CUL4B: variants seen among roughly 807,000 people sequenced by gnomAD.
CUL4B encodes cullin 4B, also known as cullin-4B.
A neutral mutation model predicts 69.2 loss-of-function variants in CUL4B; 1 was observed. The observed-to-expected ratio is 0.01, with a 90% CI of 0.01 to 0.07. CUL4B has a LOEUF of 0.07. Ranked by LOEUF, CUL4B falls within the 10% of genes least tolerant of loss-of-function variation. The pLI is 1.00. For synonymous variants in CUL4B, 237 were observed against 223.2 expected (o/e 1.06, Z -0.55); for missense variants, 328 against 638.8 (o/e 0.51, Z 5.24).
upstream of CUL4B, among the ~76,000 whole-genome samples, chrX:120,564,177 C>T (rs1477769677): frequency 2.7e-5 from 3 of 111,746 alleles, 1 homozygote; most frequent in African/African-American, 9.8e-5. Flanking sequence ...GTGGTGTTCA[C>T]CTGTAATCCC....
chrX:120,542,886 G>A, intron 9 of CUL4B, 80 bp downstream of exon 9: 1 of 712,704 alleles, frequency 1.4e-6, no homozygotes, highest in Non-Finnish European at 2.2e-6. Flanking sequence ...ACTTTTAAAA[G>A]GGCAACATCT....
upstream of CUL4B, among the ~76,000 whole-genome samples, chrX:120,565,376 CCAAAA>C (rs1047388852): frequency 7.3e-5 from 8 of 109,105 alleles, no homozygotes; most frequent in Middle Eastern, 4.7e-3. Context: ...AAAGCAAAAA[CCAAAA>C]CAAAACAAAA....
chrX:120,533,428 T>G (rs764685909), intron 17 of CUL4B, among the ~76,000 whole-genome samples: 25 of 112,154 alleles, frequency 2.2e-4, no homozygotes, highest in Non-Finnish European at 2.1e-4. Flanking sequence ...CCTACTCATC[T>G]TACCTAATTT....
chrX:120,537,688 A>C (rs1252924396), intron 14 of CUL4B, among the ~76,000 whole-genome samples: 1 of 111,767 alleles, frequency 8.9e-6, no homozygotes, highest in Non-Finnish European at 1.9e-5. Context: ...ATGATCTTAA[A>C]CATTTCAAAA....
rs1472495691 is a variant in CUL4B at position 120,525,540 on chromosome X, C to G, written c.*1221G>C. On this transcript the variant is annotated 3_prime_UTR_variant, in exon 20 of 20. Coordinates refer to ENST00000371322, the MANE Select transcript of CUL4B (RefSeq NM_001079872.2). ...TATATAAACAATCTTGGGACATTCTCCTGAAAACTAGGTGTCCAGTGGCTA... is the reference window on the plus strand; with the variant it reads ...TATATAAACAATCTTGGGACATTCTGCTGAAAACTAGGTGTCCAGTGGCTA... 9.0e-6 allele frequency: 1 copy of G among 111,585 alleles called. No homozygotes were observed. The highest frequency in any genetic ancestry group is 1.9e-5 in the Non-Finnish European group (1 of 53,113). 9.2% of individuals were successfully genotyped at this position (111,585 alleles called of 1,213,427 possible).
At chrX:120,558,688 T>C (rs1216238147) in intron 1 of CUL4B, among the ~76,000 whole-genome samples, 1 of 112,254 alleles carries the variant, frequency 8.9e-6, no homozygotes, top group Admixed American at 9.5e-5. Flanking sequence ...AGAAACCATG[T>C]TGCATTTTCA....
chrX:120,550,930 T>C (rs985369443), intron 2 of CUL4B, among the ~76,000 whole-genome samples: 1 of 111,756 alleles, frequency 8.9e-6, no homozygotes, highest in Non-Finnish European at 1.9e-5. Flanking sequence ...GTTTTACGTA[T>C]ATAAAACATC....
At chrX:120,541,461 C>T (rs903124138) in intron 10 of CUL4B, 141 bp downstream of exon 10, 27 of 502,528 alleles carry the variant, frequency 5.4e-5, no homozygotes, top group East Asian at 2.2e-4. Context: ...ATCGTGCCAC[C>T]GCACTCCAGC....
At chrX:120,566,345 GTATATATATATATATATA>G (rs537274243), upstream of CUL4B, among the ~76,000 whole-genome samples, 29 of 40,964 alleles carry the variant, frequency 7.1e-4, no homozygotes, top group East Asian at 9.5e-3. Flanking sequence ...GTGTGTATAG[GTATATATATATATATATA>G]TATATATATA....
intron 17 of CUL4B, among the ~76,000 whole-genome samples, chrX:120,534,191 G>A (rs1248647824): frequency 9.3e-6 from 1 of 107,002 alleles, no homozygotes; most frequent in African/African-American, 3.4e-5. Flanking sequence ...GCAACATAGT[G>A]AGACCCTGTC....
In CUL4B at chrX:120,525,223, A is replaced by G. The variant is rs186145345; in HGVS notation, c.*1538T>C. 1.8e-5 allele frequency: 2 copies of G among 112,098 alleles called. No individual in the cohort carries two copies. Among genetic ancestry groups the G allele is most frequent in the East Asian group, 2.8e-4 (1 of 3,569 alleles). 9.2% of individuals were successfully genotyped at this position (112,098 alleles called of 1,213,427 possible). A position where few individuals can be genotyped will look rare whatever the true frequency, so the allele number is the denominator to read the frequency against. On this transcript the variant is annotated 3_prime_UTR_variant, in exon 20 of 20. Transcript: ENST00000371322. The stretch of plus-strand genomic sequence containing the variant: ...CTGGCCACAGGTCTTTGAGAACTCA[A>G]GCAAACAATCAACAGTAGACACAAG...
At chrX:120,561,327 C>T (rs775985918), upstream of CUL4B, 2 of 561,577 alleles carry the variant, frequency 3.6e-6, no homozygotes, top group South Asian at 4.6e-5. Flanking sequence ...CTCCCACTCC[C>T]TCCTTAACGG....
At chrX:120,566,369 A>ATATGTATATATATATATATATATG (rs1556253204), upstream of CUL4B, among the ~76,000 whole-genome samples, 3 of 56,463 alleles carry the variant, frequency 5.3e-5, no homozygotes, top group African/African-American at 1.6e-4. Flanking sequence ...ATATATATAT[A>ATATGTATATATATATATATATATG]TATATATATA....
chrX:120,564,671 G>A (rs559169390), upstream of CUL4B, among the ~76,000 whole-genome samples: 1 of 112,418 alleles, frequency 8.9e-6, no homozygotes, highest in African/African-American at 3.2e-5. Flanking sequence ...CCAACTAATT[G>A]AGGCTAGTTG....
At chrX:120,554,609 G>A (rs1456091964) in intron 2 of CUL4B, among the ~76,000 whole-genome samples, 1 of 112,268 alleles carries the variant, frequency 8.9e-6, no homozygotes, top group East Asian at 2.8e-4. Flanking sequence ...GGCAGTACAT[G>A]CAACCCACAC....
chrX:120,562,629 G>A (rs1925369849), upstream of CUL4B, among the ~76,000 whole-genome samples: 1 of 112,086 alleles, frequency 8.9e-6, no homozygotes, highest in African/African-American at 3.2e-5. Flanking sequence ...GTTCTACAGA[G>A]ATTATGTTTA....
upstream of CUL4B, among the ~76,000 whole-genome samples, chrX:120,564,620 A>G (rs933537213): frequency 8.0e-5 from 9 of 112,036 alleles, no homozygotes; most frequent in Admixed American, 2.8e-4. Context: ...AAAAACAAAA[A>G]CCTTCCAAGT....
At chrX:120,539,442 C>T in intron 11 of CUL4B, 70 bp from the exon 12 acceptor site, 1 of 568,233 alleles carries the variant, frequency 1.8e-6, no homozygotes, top group East Asian at 3.6e-5. Flanking sequence ...TATATATACC[C>T]AAAGAGGAGT....
chrX:120,529,923 G>A (rs757094409), intron 19 of CUL4B, among the ~76,000 whole-genome samples, 179 bp downstream of exon 19: 1 of 94,601 alleles, frequency 1.1e-5, no homozygotes, highest in East Asian at 3.5e-4. Context: ...TGTCACTGCT[G>A]CCCACATATG....
Sources: gnomAD v4.1 joint callset for allele counts (sites outside exome capture counted in the v4.1 genomes callset) on GRCh38, gnomAD v4.1.1 for gene constraint, MANE v1.5 for transcripts, NCBI Gene and HGNC (gene_info 2026-07-23, HGNC 2026-07-21) for gene names.